Variants in MAP4K4 observed in about 807,000 individuals in gnomAD.
The protein encoded by MAP4K4 is HPK/GCK-like kinase HGK.
A neutral mutation model predicts 189.6 loss-of-function variants in MAP4K4; 38 were observed. The ratio of observed to expected loss-of-function variants is 0.20; its 90% CI spans 0.15 to 0.26. MAP4K4 has a LOEUF of 0.26. Among genes scored for constraint, MAP4K4 ranks in the 10% least tolerant of loss-of-function variants. MAP4K4 has a pLI of 1.00. For synonymous variants in MAP4K4, 610 were observed against 624.3 expected, an observed-to-expected ratio of 0.98 and a Z score of 0.34; for missense variants, 1,054 against 1,726.9, an observed-to-expected ratio of 0.61 and a Z score of 6.91.
intron 2 of MAP4K4, among the ~76,000 whole-genome samples, chr2:101,761,095 T>A (rs1307468494): frequency 6.6e-6 from 1 of 152,230 alleles, no homozygotes; most frequent in Non-Finnish European, 1.5e-5. Flanking sequence ...TAAAAAAATG[T>A]GGAATTATAC....
At chr2:101,865,239 G>A (rs1302443713) in intron 18 of MAP4K4, among the ~76,000 whole-genome samples, 1 of 152,212 alleles carries the variant, frequency 6.6e-6, no homozygotes, top group Non-Finnish European at 1.5e-5. Context: ...GAATCCGGAT[G>A]TGTATTATAG....
Position 101,730,322 on chromosome 2 carries a change from A to G in MAP4K4, c.123+31784A>G, listed in dbSNP as rs1379743421. 2.0e-5 allele frequency among the ~76,000 whole-genome samples: 3 copies of G among 152,106 alleles called. No individual in the cohort carries two copies. The East Asian group carries it at 5.8e-4, about 29-fold the overall frequency. ...GAGTCTGGGGTGGAGAAGTTTGTAAATGGGGGCCAGCTCCCCACGACTGGA... is the reference window on the plus strand; with the variant it reads ...GAGTCTGGGGTGGAGAAGTTTGTAAGTGGGGGCCAGCTCCCCACGACTGGA... On this transcript the variant is annotated intron_variant, in intron 2 of 32. Coordinates refer to ENST00000324219, the Ensembl canonical transcript of MAP4K4.
intron 10 of MAP4K4, 121 bp from the exon 11 acceptor site, chr2:101,842,488 G>A: frequency 1.6e-6 from 1 of 635,068 alleles, no homozygotes. Flanking sequence ...CTCTATACAA[G>A]TTGCTGTTTT....
exon 33 of MAP4K4, chr2:101,894,637 A>G (rs996358907): frequency 6.6e-5 from 10 of 152,524 alleles, no homozygotes; most frequent in African/African-American, 2.4e-4. Context: ...TATTATGAAA[A>G]TTACTGTTGT....
At chr2:101,769,688 A>G (rs962685784) in intron 2 of MAP4K4, among the ~76,000 whole-genome samples, 2 of 151,912 alleles carry the variant, frequency 1.3e-5, no homozygotes, top group African/African-American at 4.8e-5. Context: ...GGTTCAAGTA[A>G]TTCTCCTGCC....
At chr2:101,744,434 C>G (rs191213999) in intron 2 of MAP4K4, among the ~76,000 whole-genome samples, 1 of 152,128 alleles carries the variant, frequency 6.6e-6, no homozygotes, top group Non-Finnish European at 1.5e-5. Flanking sequence ...TCTCGAAGTC[C>G]GACAGAGCAG....
Position 101,894,197 on chromosome 2 carries a change from T to G in MAP4K4, c.*2948T>G, listed in dbSNP as rs570713513. ...AGAAAACAGTATTGCAATGACACCA[T>G]TACATAAGGAACATTGAACTGTTAG... On this transcript the variant is annotated 3_prime_UTR_variant, in exon 33 of 33. Transcript: ENST00000324219. 239 of 152,868 alleles carry G rather than the reference T, an allele frequency of 1.6e-3. 1 individual carries two copies. Among genetic ancestry groups the G allele is most frequent in the Middle Eastern group, 6.8e-3 (2 of 294 alleles). 9.5% of individuals were successfully genotyped at this position (152,868 alleles called of 1,614,324 possible). A position where few individuals can be genotyped will look rare whatever the true frequency, so the allele number is the denominator to read the frequency against.
intron 2 of MAP4K4, among the ~76,000 whole-genome samples, chr2:101,751,921 A>C (rs1268720256): frequency 1.3e-5 from 2 of 152,180 alleles, no homozygotes; most frequent in East Asian, 3.9e-4. Flanking sequence ...CACAGTGTTC[A>C]TCATTCATGG....
intron 3 of MAP4K4, among the ~76,000 whole-genome samples, chr2:101,793,554 C>A (rs1056503713): frequency 2.1e-5 from 3 of 145,340 alleles, no homozygotes. Flanking sequence ...TTGATGAGAA[C>A]AGGACTCTTC....
At chr2:101,758,000 G>A (rs1259494779) in intron 2 of MAP4K4, among the ~76,000 whole-genome samples, 1 of 152,222 alleles carries the variant, frequency 6.6e-6, no homozygotes, top group Non-Finnish European at 1.5e-5. Flanking sequence ...ACTCCAGCCT[G>A]AGTGACAAGA....
At chr2:101,717,663 C>T (rs2049165157) in intron 2 of MAP4K4, among the ~76,000 whole-genome samples, 1 of 152,078 alleles carries the variant, frequency 6.6e-6, no homozygotes, top group Non-Finnish European at 1.5e-5. Context: ...ATCTGCAGTG[C>T]GCAAGCCATT....
At chr2:101,723,842 C>T (rs141286584) in intron 2 of MAP4K4, among the ~76,000 whole-genome samples, 2 of 152,202 alleles carry the variant, frequency 1.3e-5, no homozygotes, top group East Asian at 1.9e-4. Flanking sequence ...TGTTTCGGTT[C>T]GGGAAACCCT....
At chr2:101,733,249 TG>T (rs1002611966) in intron 2 of MAP4K4, among the ~76,000 whole-genome samples, 3 of 151,876 alleles carry the variant, frequency 2.0e-5, no homozygotes, top group African/African-American at 7.3e-5. Flanking sequence ...GAAATGGCGA[TG>T]GGGGGATGCA....
At chr2:101,777,025 A>G (rs73943767) in intron 2 of MAP4K4, among the ~76,000 whole-genome samples, 2,978 of 152,270 alleles carry the variant, frequency 0.02, 115 homozygotes, top group African/African-American at 0.068. Flanking sequence ...AGGCTTTGCC[A>G]ATATAGGCCT....
At chr2:101,698,597 G>A (rs1348895357) in intron 2 of MAP4K4, 59 bp downstream of exon 2, 2 of 1,506,416 alleles carry the variant, frequency 1.3e-6, no homozygotes, top group East Asian at 4.5e-5. Context: ...ATTGGGGGAC[G>A]AGGAGAGGGT....
intron 2 of MAP4K4, 100 bp from the exon 3 acceptor site, chr2:101,790,620 A>C: frequency 1.2e-6 from 1 of 800,472 alleles, no homozygotes. Context: ...AGAGATAAGT[A>C]TAGTTGAGAT....
At chr2:101,801,954 T>C (rs1463031735) in intron 3 of MAP4K4, among the ~76,000 whole-genome samples, 1 of 152,238 alleles carries the variant, frequency 6.6e-6, no homozygotes, top group East Asian at 1.9e-4. Context: ...ACTTGCTTTC[T>C]GTCCTGTACC....
chr2:101,766,499 C>T (rs919113534), intron 2 of MAP4K4, among the ~76,000 whole-genome samples: 2 of 152,116 alleles, frequency 1.3e-5, no homozygotes, highest in African/African-American at 4.8e-5. Context: ...AAAGTGACTT[C>T]ATGCAATATA....
intron 3 of MAP4K4, among the ~76,000 whole-genome samples, chr2:101,797,050 C>T (rs992622882): frequency 4.6e-5 from 7 of 152,164 alleles, no homozygotes; most frequent in African/African-American, 1.7e-4. Context: ...AGTTCATGCT[C>T]TGGTACGAGG....
Sources: gnomAD v4.1 joint callset for allele counts (sites outside exome capture counted in the v4.1 genomes callset) on GRCh38, gnomAD v4.1.1 for gene constraint, MANE v1.5 for transcripts, NCBI Gene and HGNC (gene_info 2026-07-23, HGNC 2026-07-21) for gene names.